Variants in MPP7 observed in about 807,000 individuals in gnomAD.
The protein encoded by MPP7 is MAGUK p55 scaffold protein 7, also known as MAGUK p55 subfamily member 7.
Under a neutral mutation model 76.5 loss-of-function variants are expected in MPP7, and 60 were observed. The ratio of observed to expected loss-of-function variants is 0.78; its 90% CI spans 0.64 to 0.97. The LOEUF (loss-of-function observed/expected upper bound fraction) is 0.97, where lower values mean the gene tolerates loss of function less well. MPP7 is among the 50% of genes least tolerant of loss of function. MPP7 has a pLI of 0.00. For missense variants in MPP7, 641 were observed against 694.0 expected, an observed-to-expected ratio of 0.92 and a Z score of 0.86; for synonymous variants, 237 against 244.5, an observed-to-expected ratio of 0.97 and a Z score of 0.29.
Position 28,273,342 on chromosome 10 carries a change from T to A in MPP7, c.-132+29519A>T, listed in dbSNP as rs1421643495. ...AATTAACCAGGAAGTCTTTTCCATA[T>A]CTTATGGTACAATTACAAAAGAATT... On this transcript the variant is annotated intron_variant, in intron 1 of 16. Transcript: ENST00000683449. Among the ~76,000 whole-genome samples, 3 of 152,216 alleles carry A rather than the reference T, an allele frequency of 2.0e-5. No homozygotes were observed. The South Asian group carries it at 6.2e-4, about 32-fold the overall frequency.
intron 1 of MPP7, among the ~76,000 whole-genome samples, chr10:28,249,172 C>CCTGTCCT (rs1403774525): frequency 2.0e-5 from 3 of 151,788 alleles, no homozygotes; most frequent in African/African-American, 7.3e-5. Flanking sequence ...TGTGTTTCTG[C>CCTGTCCT]CTGTCCTCTT....
At chr10:28,316,571 A>G (rs1380838547) in intron 2 of MPP7, among the ~76,000 whole-genome samples, 3 of 151,136 alleles carry the variant, frequency 2.0e-5, no homozygotes, top group African/African-American at 7.3e-5. Context: ...CAATATGTTT[A>G]TAGTAAGGGG....
At position 28,181,107 on chromosome 10, in the gene MPP7, TC is replaced by T. The variant is rs1459169187; in HGVS notation, c.156+21045del. Among the ~76,000 whole-genome samples the T allele has an allele frequency of 2.6e-5, 4 of 152,344 alleles. No individual in the cohort carries two copies. The East Asian group carries it at 5.8e-4, about 22-fold the overall frequency. On this transcript the variant is annotated intron_variant, in intron 3 of 16. Transcript: ENST00000683449. ...AAGCTTATTAATTTTACTTTTAGGT[TC>T]TTTATAATAAATTAGATTTACATTA...
intron 1 of MPP7, among the ~76,000 whole-genome samples, chr10:28,280,429 A>T (rs1258077761): frequency 6.6e-6 from 1 of 152,088 alleles, no homozygotes; most frequent in African/African-American, 2.4e-5. Context: ...GGGAATCATG[A>T]CAGAAAAAAA....
chr10:28,334,539 A>G (rs2133195952), upstream of MPP7: 1 of 152,318 alleles, frequency 6.6e-6, no homozygotes, highest in East Asian at 1.9e-4. Flanking sequence ...TTGTGTTTAT[A>G]CTCAAGTCAA....
At chr10:28,160,014 T>A (rs1836204249) in intron 3 of MPP7, among the ~76,000 whole-genome samples, 1 of 152,130 alleles carries the variant, frequency 6.6e-6, no homozygotes, top group Non-Finnish European at 1.5e-5. Flanking sequence ...AGACAAGTTT[T>A]TCAAAATTCT....
At chr10:28,326,370 A>G (rs1389346056) in intron 2 of MPP7, among the ~76,000 whole-genome samples, 2 of 151,820 alleles carry the variant, frequency 1.3e-5, no homozygotes, top group South Asian at 2.1e-4. Flanking sequence ...CCTTGCTACC[A>G]ATTGTAAATG....
At chr10:28,056,452 C>A in intron 16 of MPP7, 28 bp downstream of exon 16, 4 of 1,600,586 alleles carry the variant, frequency 2.5e-6, no homozygotes, top group Non-Finnish European at 3.4e-6. Flanking sequence ...GGCCACCACA[C>A]CTGGCCCCCA....
At chr10:28,210,556 C>G (rs1383046269) in intron 2 of MPP7, among the ~76,000 whole-genome samples, 2 of 152,004 alleles carry the variant, frequency 1.3e-5, no homozygotes, top group African/African-American at 4.8e-5. Flanking sequence ...AACCCCTAAA[C>G]ATGGAAAAAT....
chr10:28,272,673 G>A (rs531892459), intron 1 of MPP7, among the ~76,000 whole-genome samples: 61 of 151,794 alleles, frequency 4.0e-4, no homozygotes, highest in African/African-American at 1.4e-3. Context: ...AGATTTGCTC[G>A]GATCTTAATT....
chr10:28,330,363 T>C (rs1221605966), intron 1 of MPP7, among the ~76,000 whole-genome samples: 1 of 152,184 alleles, frequency 6.6e-6, no homozygotes, highest in Non-Finnish European at 1.5e-5. Flanking sequence ...CCAAAATGTC[T>C]AAAATAGGCT....
Position 28,273,360 on chromosome 10 carries a change from A to G in MPP7, c.-132+29501T>C, listed in dbSNP as rs12772028. Reference sequence around the variant, plus strand: ...TTCCATATCTTATGGTACAATTACAAAAGAATTCTATCTAGAAAAAGAACA... The same window carrying G: ...TTCCATATCTTATGGTACAATTACAGAAGAATTCTATCTAGAAAAAGAACA... On this transcript the variant is annotated intron_variant, in intron 1 of 16. Coordinates refer to ENST00000683449, the MANE Select transcript of MPP7 (RefSeq NM_001318170.2). Among the ~76,000 whole-genome samples the G allele has an allele frequency of 9.4e-3, 1,438 of 152,378 alleles. 20 individuals carry two copies. Among genetic ancestry groups the G allele is most frequent in the African/African-American group, 0.033 (1,353 of 41,590 alleles).
chr10:28,282,338 T>C (rs1042592554), intron 1 of MPP7, among the ~76,000 whole-genome samples: 1 of 152,052 alleles, frequency 6.6e-6, no homozygotes, highest in African/African-American at 2.4e-5. Flanking sequence ...AATGTTCTCT[T>C]CCTATCAATT....
intron 11 of MPP7, among the ~76,000 whole-genome samples, chr10:28,117,775 A>C (rs1834704229): frequency 6.6e-6 from 1 of 152,150 alleles, no homozygotes; most frequent in Non-Finnish European, 1.5e-5. Context: ...CCTATTTGTC[A>C]CAGAAATATA....
chr10:28,172,136 T>C (rs1431759476), intron 3 of MPP7, among the ~76,000 whole-genome samples: 4 of 152,244 alleles, frequency 2.6e-5, no homozygotes, highest in African/African-American at 9.6e-5. Context: ...TCATGAACTT[T>C]GGCAACACAT....
chr10:28,060,886 GAAA>G (rs1246123930), intron 13 of MPP7, among the ~76,000 whole-genome samples: 1 of 152,190 alleles, frequency 6.6e-6, no homozygotes, highest in Non-Finnish European at 1.5e-5. Context: ...CCTAACCCCT[GAAA>G]AAGAGTATCG....
chr10:28,147,481 A>C lies in MPP7; in HGVS notation c.315+2T>G. 1 of 1,612,342 alleles carries C rather than the reference A, an allele frequency of 6.2e-7. No homozygotes were observed. The highest frequency in any genetic ancestry group is 8.5e-7 in the Non-Finnish European group (1 of 1,178,352). ...TTTATTACCGGCGTAACATGTCCTC[A>C]CCTTCACATTGGGTTTTGACAGTAG... On this transcript the variant is annotated splice_donor_variant, in intron 5 of 16. Transcript: ENST00000683449. LOFTEE classifies it high-confidence loss of function.
chr10:28,055,903 C>T (rs1424278135), intron 16 of MPP7, among the ~76,000 whole-genome samples: 1 of 152,124 alleles, frequency 6.6e-6, no homozygotes, highest in Non-Finnish European at 1.5e-5. Flanking sequence ...TATGAAGATC[C>T]ATTCACCAAA....
At chr10:28,091,875 G>GGAGAT (rs749711746) in intron 11 of MPP7, among the ~76,000 whole-genome samples, 3 of 152,134 alleles carry the variant, frequency 2.0e-5, no homozygotes, top group South Asian at 4.1e-4. Flanking sequence ...CAAGTAATCT[G>GGAGAT]GAGATGATTT....
Sources: allele counts gnomAD v4.1 joint callset (sites outside exome capture counted in the v4.1 genomes callset), GRCh38; gene constraint gnomAD v4.1.1; transcripts MANE v1.5; gene names NCBI Gene and HGNC (gene_info 2026-07-23, HGNC 2026-07-21).